The following NTSR1 variants were observed in gnomAD, a reference collection of about 807,000 sequenced individuals.
The protein encoded by NTSR1 is neurotensin receptor type 1.
NTSR1 carries 29 observed loss-of-function variants against 31.2 expected under a neutral mutation model. The ratio of observed to expected loss-of-function variants is 0.93; its 90% CI spans 0.69 to 1.27. NTSR1 has a LOEUF of 1.27. Ranked by LOEUF, NTSR1 falls within the 50% of genes most tolerant of loss-of-function variation. The pLI is 0.00. For synonymous variants in NTSR1, 282 were observed against 269.9 expected (o/e 1.04, Z -0.44); for missense variants, 697 against 595.4 (o/e 1.17, Z -1.78).
chr20:62,738,420 G>A (rs78214227), intron 1 of NTSR1, among the ~76,000 whole-genome samples: 2,362 of 152,346 alleles, frequency 0.016, 54 homozygotes, highest in African/African-American at 0.052. Flanking sequence ...GTAATAGCCC[G>A]AGCCATGGGG....
intron 1 of NTSR1, among the ~76,000 whole-genome samples, chr20:62,718,044 C>G (rs1022607599): frequency 1.3e-5 from 2 of 152,104 alleles, no homozygotes; most frequent in Non-Finnish European, 2.9e-5. Flanking sequence ...GGTGCAAAGA[C>G]CCCAGGGCAG....
chr20:62,731,885 G>A (rs1252442874), intron 1 of NTSR1, among the ~76,000 whole-genome samples: 2 of 152,192 alleles, frequency 1.3e-5, no homozygotes, highest in Non-Finnish European at 2.9e-5. Context: ...TTGGGAGGCC[G>A]AGGCGGGTGG....
At chr20:62,739,398 C>T (rs575349435) in intron 1 of NTSR1, among the ~76,000 whole-genome samples, 17 of 152,210 alleles carry the variant, frequency 1.1e-4, no homozygotes, top group African/African-American at 3.9e-4. Context: ...ACAGAAGGGG[C>T]CTGGCTGAAG....
rs750292140 is a variant in NTSR1 at position 62,741,664 on chromosome 20, G to A, written c.715-13021G>A. Among the ~76,000 whole-genome samples, 3 of 149,768 alleles carry A rather than the reference G, an allele frequency of 2.0e-5. 1 individual carries two copies. In the Admixed American group the frequency reaches 2.0e-4, roughly 10 times the overall value. ...AGAAATTCCAAACCAGAAGAAAAGT[G>A]CAGGGAACAGAGTGGAGGAGCCATG... On this transcript the variant is annotated intron_variant, in intron 1 of 3. Coordinates refer to ENST00000370501, the MANE Select transcript of NTSR1 (RefSeq NM_002531.3). The surrounding 1 kb of genome is among the most constrained non-coding windows in gnomAD (Gnocchi z 4.3).
In NTSR1 at chr20:62,741,276, C is replaced by T. The variant is rs1448575335; in HGVS notation, c.715-13409C>T. ...GACAGGATGTGGCTTCCAGGGGCTT[C>T]TGTTCTGCCAAGTCCCCACTCAGAC... On this transcript the variant is annotated intron_variant, in intron 1 of 3. Transcript: ENST00000370501. The surrounding 1 kb of genome is among the most constrained non-coding windows in gnomAD (Gnocchi z 4.3). Among the ~76,000 whole-genome samples, 3 of 136,154 alleles carry T rather than the reference C, an allele frequency of 2.2e-5. No homozygotes were observed. Among genetic ancestry groups the T allele is most frequent in the Non-Finnish European group, 4.4e-5 (3 of 67,584 alleles). 89.3% of individuals were successfully genotyped at this position (136,154 alleles called of 152,430 possible).
At chr20:62,759,648 C>G (rs928272147) in intron 3 of NTSR1, among the ~76,000 whole-genome samples, 4 of 152,106 alleles carry the variant, frequency 2.6e-5, no homozygotes, top group East Asian at 3.9e-4. Context: ...GTGGGGGGGT[C>G]CCTGTAGTCC....
chr20:62,748,293 T>C (rs1276754559), intron 1 of NTSR1, among the ~76,000 whole-genome samples: 2 of 151,442 alleles, frequency 1.3e-5, no homozygotes, highest in East Asian at 3.9e-4. Context: ...CACAAATAAA[T>C]GGAAAGATAC....
rs1204339530 is a variant in NTSR1 at position 62,714,236 on chromosome 20, C to T, written c.714+4315C>T. 6.6e-6 allele frequency among the ~76,000 whole-genome samples: 1 copy of T among 152,270 alleles called. No homozygotes were observed. The highest frequency in any genetic ancestry group is 2.4e-5 in the African/African-American group (1 of 41,474). On this transcript the variant is annotated intron_variant, in intron 1 of 3. Coordinates refer to ENST00000370501, the MANE Select transcript of NTSR1 (RefSeq NM_002531.3). The surrounding 1 kb of genome is among the most constrained non-coding windows in gnomAD (Gnocchi z 4.1). ...CTCTGGCCGTAGCGGCCACAGTGTC[C>T]TCACCTGCAGCGCAGGGCATAGAGG...
rs1989042484 is a variant in NTSR1, at chr20:62,733,934, A to G, written c.715-20751A>G. On this transcript the variant is annotated intron_variant, in intron 1 of 3. Coordinates refer to ENST00000370501, the MANE Select transcript of NTSR1 (RefSeq NM_002531.3). This position sits in a 1 kb window ranked among gnomAD's most constrained non-coding sequence, Gnocchi z 5.2. ...TACTTTATCTCAATAGAGGATTCGA[A>G]CAGCCCCCAGGCAGGGTCGCATTTT... Among the ~76,000 whole-genome samples, 1 of 152,156 alleles carries G rather than the reference A, an allele frequency of 6.6e-6. No individual in the cohort carries two copies. The highest frequency in any genetic ancestry group is 6.5e-5 in the Admixed American group (1 of 15,280).
rs1989551784 is a variant in NTSR1, at chr20:62,758,337, T to A, written c.988T>A (p.Ser330Thr). The A allele has an allele frequency of 2.5e-6, 4 of 1,613,522 alleles. No homozygotes were observed. Among genetic ancestry groups the A allele is most frequent in the Non-Finnish European group, 3.4e-6 (4 of 1,179,816 alleles). Residue 330 changes from serine (S) to threonine (T), a missense_variant, in exon 3 of 4, where the codon TCG (serine) becomes ACG (threonine). Transcript: ENST00000370501. The surrounding 1 kb of genome is among the most constrained non-coding windows in gnomAD (Gnocchi z 4.5). Reference sequence around the variant, plus strand: ...GCGGCGCCTCATGTTCTGCTACATCTCGGATGAGCAGTGGACTCCGTGAGT... The same window carrying A: ...GCGGCGCCTCATGTTCTGCTACATCACGGATGAGCAGTGGACTCCGTGAGT... ...HVRRLMFCYI[S>T]DEQWTPFLYD...
chr20:62,719,870 G>A (rs1037887394), intron 1 of NTSR1, among the ~76,000 whole-genome samples: 2 of 152,208 alleles, frequency 1.3e-5, no homozygotes, highest in African/African-American at 4.8e-5. Context: ...CATGAGCTGG[G>A]AGGTTCTTGT....
Position 62,715,660 on chromosome 20 carries a change from T to C in NTSR1, c.714+5739T>C, listed in dbSNP as rs16983186. Among the ~76,000 whole-genome samples, 1,639 of 152,364 alleles carry C rather than the reference T, an allele frequency of 0.011. 27 individuals are homozygous for C. Among genetic ancestry groups the C allele is most frequent in the African/African-American group, 0.037 (1,536 of 41,590 alleles). ...CTCCCGGGCTGTCCTGCACTTGGAC[T>C]GACAGCATTCTGAGGATGTTCAACT... is the stretch of plus-strand genomic sequence containing the variant. On this transcript the variant is annotated intron_variant, in intron 1 of 3. Coordinates refer to ENST00000370501, the MANE Select transcript of NTSR1 (RefSeq NM_002531.3). This position sits in a 1 kb window ranked among gnomAD's most constrained non-coding sequence, Gnocchi z 4.7.
chr20:62,739,862 T>C (rs1045252535), intron 1 of NTSR1, among the ~76,000 whole-genome samples: 1 of 152,078 alleles, frequency 6.6e-6, no homozygotes, highest in Non-Finnish European at 1.5e-5. Flanking sequence ...GCCGGCGGGG[T>C]GCGGGACGCA....
intron 1 of NTSR1, among the ~76,000 whole-genome samples, chr20:62,747,527 C>T (rs569868806): frequency 3.4e-5 from 5 of 148,984 alleles, no homozygotes; most frequent in Admixed American, 2.0e-4. Context: ...GTAAAGGCCA[C>T]GTATGACAGA....
intron 1 of NTSR1, among the ~76,000 whole-genome samples, chr20:62,719,123 CA>C (rs34268973): frequency 0.4 from 56,917 of 142,320 alleles, 12,438 homozygotes; most frequent in East Asian, 0.72. Context: ...TTTTTTCTTT[CA>C]AAAAAAAAAA....
At position 62,709,202 on chromosome 20, in the gene NTSR1, C is replaced by T; in HGVS notation, c.-6C>T. ...CCGGACAGAGCCGCGGACTCCAGCG[C>T]CCACCATGCGCCTCAACAGCTCCGC... is the stretch of plus-strand genomic sequence containing the variant. On this transcript the variant is annotated 5_prime_UTR_variant, in exon 1 of 4. Transcript: ENST00000370501. The T allele has an allele frequency of 4.9e-6, 7 of 1,429,170 alleles. No homozygotes were observed. The highest frequency in any genetic ancestry group is 6.4e-6 in the Non-Finnish European group (7 of 1,100,552). The allele number at this position is 1,429,170 out of a possible 1,614,324, so 88.5% of individuals were successfully genotyped here. A position where few individuals can be genotyped will look rare whatever the true frequency, so the allele number is the denominator to read the frequency against.
chr20:62,731,340 T>G (rs529738768), intron 1 of NTSR1, among the ~76,000 whole-genome samples: 2 of 152,332 alleles, frequency 1.3e-5, no homozygotes, highest in Admixed American at 6.5e-5. Context: ...CGCCTTGGCC[T>G]CCAAAAGTGC....
chr20:62,712,307 C>G (rs1988632035), intron 1 of NTSR1, among the ~76,000 whole-genome samples: 1 of 152,208 alleles, frequency 6.6e-6, no homozygotes, highest in East Asian at 1.9e-4. Context: ...GGCTGGATAC[C>G]CTGAGCTAAG....
chr20:62,723,355 C>T (rs1988854406), intron 1 of NTSR1, among the ~76,000 whole-genome samples: 1 of 152,170 alleles, frequency 6.6e-6, no homozygotes, highest in South Asian at 2.1e-4. Context: ...AAGCCCCCGG[C>T]TCCTGCGAGT....
Sources: allele counts gnomAD v4.1 joint callset (sites outside exome capture counted in the v4.1 genomes callset), GRCh38; gene constraint gnomAD v4.1.1; non-coding constraint Gnocchi (gnomAD v3.1); transcripts MANE v1.5; gene names NCBI Gene and HGNC (gene_info 2026-07-23, HGNC 2026-07-21).